The following GPC6 variants were observed in gnomAD, a reference collection of about 807,000 sequenced individuals.
GPC6 encodes glypican-6.
Under a neutral mutation model 55.2 loss-of-function variants are expected in GPC6, and 14 were observed. That is an observed-to-expected ratio of 0.25 (90% CI 0.17 to 0.40). The LOEUF (loss-of-function observed/expected upper bound fraction) is 0.40. Among genes scored for constraint, GPC6 ranks in the 10% least tolerant of loss-of-function variants. The pLI is 1.00. For synonymous variants in GPC6, 278 were observed against 259.6 expected (o/e 1.07, Z -0.68); for missense variants, 641 against 708.5 (o/e 0.90, Z 1.08).
At chr13:93,710,949 C>G (rs140187161) in intron 2 of GPC6, among the ~76,000 whole-genome samples, 171 of 151,850 alleles carry the variant, frequency 1.1e-3, no homozygotes, top group African/African-American at 3.9e-3. Context: ...AAATAAATTA[C>G]TTATTAGAAG....
intron 4 of GPC6, among the ~76,000 whole-genome samples, chr13:94,184,679 T>C (rs1389493717): frequency 6.6e-6 from 1 of 152,188 alleles, no homozygotes; most frequent in Non-Finnish European, 1.5e-5. Flanking sequence ...GAAGCACTTA[T>C]ACACTGTCGG....
intron 2 of GPC6, among the ~76,000 whole-genome samples, chr13:93,692,191 G>A (rs1288192367): frequency 6.6e-6 from 1 of 152,038 alleles, no homozygotes; most frequent in Non-Finnish European, 1.5e-5. Flanking sequence ...GGAATAAGAT[G>A]CGACCTGAAA....
At chr13:94,337,016 T>C (rs1877740607) in intron 6 of GPC6, among the ~76,000 whole-genome samples, 1 of 152,186 alleles carries the variant, frequency 6.6e-6, no homozygotes, top group South Asian at 2.1e-4. Context: ...TGTCTACCAC[T>C]AGAAAGGAGA....
chr13:93,572,045 AG>A (rs938581190), intron 2 of GPC6, among the ~76,000 whole-genome samples: 1 of 152,176 alleles, frequency 6.6e-6, no homozygotes, highest in East Asian at 1.9e-4. Context: ...AGCTGGGCCA[AG>A]AAGCTCAATC....
chr13:94,253,317 A>C (rs1200995992), intron 4 of GPC6, among the ~76,000 whole-genome samples: 1 of 152,130 alleles, frequency 6.6e-6, no homozygotes, highest in Non-Finnish European at 1.5e-5. Flanking sequence ...CTATCTTCCT[A>C]GATTGTACAT....
chr13:93,535,501 C>A (rs1286213324), intron 1 of GPC6, among the ~76,000 whole-genome samples: 1 of 152,036 alleles, frequency 6.6e-6, no homozygotes, highest in Non-Finnish European at 1.5e-5. Flanking sequence ...TAGTCATAGA[C>A]AATCCATGAA....
In GPC6 at chr13:94,043,219, A is replaced by G. The variant is rs1007941845; in HGVS notation, c.877+15325A>G. Among the ~76,000 whole-genome samples, 7 of 151,950 alleles carry G rather than the reference A, an allele frequency of 4.6e-5. No homozygotes were observed. The East Asian group carries it at 1.4e-3, about 30-fold the overall frequency. The stretch of plus-strand genomic sequence containing the variant: ...TCCTTTATTGGAGAATGGTATTAGA[A>G]ACCAAGGTCTGGGCACTAGACGTGC... On this transcript the variant is annotated intron_variant, in intron 4 of 8. Coordinates refer to ENST00000377047, the MANE Select transcript of GPC6 (RefSeq NM_005708.5).
At chr13:93,747,277 C>T (rs1475296442) in intron 2 of GPC6, among the ~76,000 whole-genome samples, 1 of 152,172 alleles carries the variant, frequency 6.6e-6, no homozygotes, top group Non-Finnish European at 1.5e-5. Context: ...AAGAAATGAA[C>T]ATCAATGACA....
intron 6 of GPC6, among the ~76,000 whole-genome samples, chr13:94,309,348 C>A (rs1444919316): frequency 6.6e-6 from 1 of 152,000 alleles, no homozygotes; most frequent in South Asian, 2.1e-4. Flanking sequence ...GTTCTTATAT[C>A]AGTTATTCTA....
rs190454586 is a variant in GPC6, at chr13:94,077,745, T to C, written c.877+49851T>C. Among the ~76,000 whole-genome samples the C allele has an allele frequency of 2.0e-4, 30 of 149,720 alleles. No individual in the cohort carries two copies. The East Asian group carries it at 3.7e-3, about 18-fold the overall frequency. On this transcript the variant is annotated intron_variant, in intron 4 of 8. Transcript: ENST00000377047. The stretch of plus-strand genomic sequence containing the variant: ...GAGATGATAATATGCTTTCTATCCT[T>C]CATTCCCTTAATGTAGTATTTCATA...
chr13:93,598,729 T>C (rs544694267), intron 2 of GPC6, among the ~76,000 whole-genome samples: 5 of 152,338 alleles, frequency 3.3e-5, no homozygotes, highest in Admixed American at 2.0e-4. Context: ...CAAAATTCTA[T>C]GATTTTCCCA....
intron 4 of GPC6, among the ~76,000 whole-genome samples, chr13:94,236,039 GCTT>G (rs1488987558): frequency 1.3e-5 from 2 of 152,120 alleles, no homozygotes; most frequent in African/African-American, 4.8e-5. Context: ...GCCCCTGGCT[GCTT>G]CTTATTAAAC....
chr13:93,561,707 G>C (rs1875822537), intron 2 of GPC6, among the ~76,000 whole-genome samples: 2 of 151,990 alleles, frequency 1.3e-5, no homozygotes, highest in Admixed American at 6.6e-5. Flanking sequence ...CCAACCCCCA[G>C]TTGGAGATAG....
intron 1 of GPC6, among the ~76,000 whole-genome samples, chr13:93,277,160 A>G (rs1877784401): frequency 6.6e-6 from 1 of 152,140 alleles, no homozygotes. Flanking sequence ...TACATTACTT[A>G]TGATGTGTTG....
At chr13:94,242,778 A>G (rs1891092681) in intron 4 of GPC6, among the ~76,000 whole-genome samples, 1 of 152,150 alleles carries the variant, frequency 6.6e-6, no homozygotes, top group Admixed American at 6.6e-5. Flanking sequence ...ATTTGACACT[A>G]GGAGAAAGAA....
intron 1 of GPC6, among the ~76,000 whole-genome samples, chr13:93,517,305 T>G (rs1881241777): frequency 6.6e-6 from 1 of 152,026 alleles, no homozygotes; most frequent in Non-Finnish European, 1.5e-5. Context: ...CATGGCCCTT[T>G]GGGGATAATG....
intron 4 of GPC6, among the ~76,000 whole-genome samples, chr13:94,032,283 A>T (rs1213426269): frequency 6.6e-6 from 1 of 152,170 alleles, no homozygotes; most frequent in Non-Finnish European, 1.5e-5. Flanking sequence ...ATAACAAACT[A>T]TGACAAAGTG....
intron 2 of GPC6, among the ~76,000 whole-genome samples, chr13:93,676,137 A>ATC (rs1357552461): frequency 4.4e-4 from 3 of 6,872 alleles, no homozygotes; most frequent in African/African-American, 6.8e-4. Flanking sequence ...ATATATATAT[A>ATC]TATATATATA....
At chr13:93,885,131 C>T (rs1041170912) in intron 3 of GPC6, among the ~76,000 whole-genome samples, 20 of 152,124 alleles carry the variant, frequency 1.3e-4, no homozygotes, top group African/African-American at 4.6e-4. Context: ...CAGACAATTA[C>T]ACTACAGCCC....
Sources: gnomAD v4.1 joint callset for allele counts (sites outside exome capture counted in the v4.1 genomes callset) on GRCh38, gnomAD v4.1.1 for gene constraint, MANE v1.5 for transcripts, NCBI Gene and HGNC (gene_info 2026-07-23, HGNC 2026-07-21) for gene names.